ARHGAP25: variants seen among roughly 807,000 people sequenced by gnomAD.
ARHGAP25 encodes Rho GTPase activating protein 25, also known as rho GTPase-activating protein 25.
A neutral mutation model predicts 71.0 loss-of-function variants in ARHGAP25; 34 were observed. The ratio of observed to expected loss-of-function variants is 0.48; its 90% CI spans 0.36 to 0.64. The LOEUF (loss-of-function observed/expected upper bound fraction) is 0.64. Ranked by LOEUF, ARHGAP25 falls within the 30% of genes least tolerant of loss-of-function variation. The probability of loss-of-function intolerance (pLI) is 0.00; values close to 1 mark genes in which losing one functional copy is unlikely to be tolerated. For synonymous variants in ARHGAP25, 282 were observed against 296.5 expected (o/e 0.95, Z 0.50); for missense variants, 706 against 805.1 (o/e 0.88, Z 1.49).
chr2:68,726,680 A>G (rs1399189138), intron 2 of ARHGAP25, among the ~76,000 whole-genome samples: 1 of 152,206 alleles, frequency 6.6e-6, no homozygotes, highest in East Asian at 1.9e-4. Context: ...CTGTAGCCAG[A>G]CATCAGATCC....
At chr2:68,798,872 T>G (rs969997593) in intron 4 of ARHGAP25, among the ~76,000 whole-genome samples, 6 of 152,212 alleles carry the variant, frequency 3.9e-5, no homozygotes, top group African/African-American at 1.4e-4. Flanking sequence ...GGAGATAGCT[T>G]TGTTAAGGAT....
intron 2 of ARHGAP25, among the ~76,000 whole-genome samples, chr2:68,720,559 G>T (rs746420517): frequency 7.2e-5 from 11 of 151,938 alleles, no homozygotes; most frequent in Non-Finnish European, 1.5e-4. Context: ...CAGTAAGGTG[G>T]GCAAAAATCT....
Position 68,818,007 on chromosome 2 carries a change from C to T in ARHGAP25, c.1003+13C>T, listed in dbSNP as rs773877353. The T allele has an allele frequency of 1.9e-6, 3 of 1,613,792 alleles. No homozygotes were observed. Among genetic ancestry groups the T allele is most frequent in the Non-Finnish European group, 1.7e-6 (2 of 1,179,892 alleles). Reference sequence around the variant, plus strand: ...GTGATCATGAGAGGTATGGCTGGTCCCGTAGTGAAAGCAGGTACCCAGGAA... The same window carrying T: ...GTGATCATGAGAGGTATGGCTGGTCTCGTAGTGAAAGCAGGTACCCAGGAA... On this transcript the variant is annotated intron_variant, in intron 8 of 10. Transcript: ENST00000409202.
chr2:68,769,799 G>GGGGT (rs1677364939), intron 1 of ARHGAP25, among the ~76,000 whole-genome samples: 1 of 152,096 alleles, frequency 6.6e-6, no homozygotes, highest in Non-Finnish European at 1.5e-5. Flanking sequence ...GATGTAGGTG[G>GGGGT]GGGTGGGTAG....
At chr2:68,784,618 G>A (rs375861530) in intron 3 of ARHGAP25, among the ~76,000 whole-genome samples, 20 of 152,160 alleles carry the variant, frequency 1.3e-4, no homozygotes, top group East Asian at 5.8e-4. Context: ...CACCAGGAAG[G>A]GGTTGTTCCT....
chr2:68,820,141 C>A (rs1185682212), intron 9 of ARHGAP25, among the ~76,000 whole-genome samples: 1 of 152,150 alleles, frequency 6.6e-6, no homozygotes, highest in Non-Finnish European at 1.5e-5. Flanking sequence ...TCTACTAACA[C>A]TCTAAAACTA....
intron 4 of ARHGAP25, among the ~76,000 whole-genome samples, chr2:68,804,569 G>T (rs1006165713): frequency 6.6e-6 from 1 of 152,100 alleles, no homozygotes; most frequent in African/African-American, 2.4e-5. Context: ...CCCCTCAAAG[G>T]CAGACAGTCC....
chr2:68,807,379 C>T lies in ARHGAP25; in HGVS notation c.573C>T (p.His191=), dbSNP rs149680379. 1.0e-4 allele frequency: 163 copies of T among 1,614,190 alleles called. No individual in the cohort carries two copies. The East Asian group carries it at 1.5e-3, about 15-fold the overall frequency. The change falls in exon 5 of 11, where the codon CAC becomes CAT. Residue 191 remains histidine (H), a synonymous_variant. Transcript: ENST00000409202. ...VEKCAEFILE[H]GRNEEGIFRL... The stretch of plus-strand genomic sequence containing the variant: ...AATGTGCAGAGTTCATCCTGGAGCA[C>T]GGCCGGAATGAAGAGGGCATCTTCC...
intron 2 of ARHGAP25, among the ~76,000 whole-genome samples, chr2:68,779,433 A>G (rs1459739192): frequency 6.6e-6 from 1 of 152,212 alleles, no homozygotes; most frequent in East Asian, 1.9e-4. Flanking sequence ...TTAATAGAAA[A>G]TATTTCATTG....
intron 4 of ARHGAP25, among the ~76,000 whole-genome samples, chr2:68,804,329 G>A (rs1680208235): frequency 1.3e-5 from 2 of 152,174 alleles, no homozygotes; most frequent in South Asian, 4.1e-4. Context: ...TGGAGCCTGA[G>A]TTTCAACTGT....
chr2:68,711,114 T>C (rs1412260195), intron 2 of ARHGAP25, among the ~76,000 whole-genome samples: 1 of 152,180 alleles, frequency 6.6e-6, no homozygotes, highest in Non-Finnish European at 1.5e-5. Context: ...ACTTGCCTTC[T>C]TTTCTGTGCT....
At chr2:68,774,722 C>T in intron 1 of ARHGAP25, 6 of 1,005,528 alleles carry the variant, frequency 6.0e-6, no homozygotes, top group Non-Finnish European at 7.1e-6. Context: ...TTCTGTCTTG[C>T]GGCCCCTCCT....
At chr2:68,778,955 A>G (rs72830918) in intron 2 of ARHGAP25, among the ~76,000 whole-genome samples, 3,192 of 152,328 alleles carry the variant, frequency 0.021, 49 homozygotes, top group Non-Finnish European at 0.033. Context: ...GTGTAAGTCC[A>G]TGAACTAGCT....
intron 4 of ARHGAP25, 91 bp from the exon 5 acceptor site, chr2:68,807,182 C>G: frequency 7.8e-7 from 1 of 1,279,442 alleles, no homozygotes; most frequent in East Asian, 2.4e-5. Flanking sequence ...GCAATAAAAC[C>G]TGTGAAGACA....
chr2:68,794,751 T>G (rs912208448), intron 4 of ARHGAP25, among the ~76,000 whole-genome samples: 10 of 152,128 alleles, frequency 6.6e-5, no homozygotes, highest in Non-Finnish European at 1.5e-4. Context: ...TGTTATGTCC[T>G]TGTCTGGTTT....
Position 68,803,012 on chromosome 2 carries a change from T to G in ARHGAP25, c.467-4261T>G, listed in dbSNP as rs539583054. On this transcript the variant is annotated intron_variant, in intron 4 of 10. Transcript: ENST00000409202. The stretch of plus-strand genomic sequence containing the variant: ...ACACATATACATACATACATATATA[T>G]ATATATAGAGAGAGAGATCTGGACC... 2.0e-5 allele frequency among the ~76,000 whole-genome samples: 3 copies of G among 151,284 alleles called. No homozygotes were observed. The South Asian group carries it at 6.3e-4, about 32-fold the overall frequency.
chr2:68,811,581 G>A (rs1355639127), intron 5 of ARHGAP25, among the ~76,000 whole-genome samples: 3 of 152,180 alleles, frequency 2.0e-5, no homozygotes, highest in East Asian at 1.9e-4. Flanking sequence ...CAGCCATGGA[G>A]CATAGAGTGG....
At chr2:68,765,934 T>C (rs769242631) in intron 1 of ARHGAP25, among the ~76,000 whole-genome samples, 2 of 152,240 alleles carry the variant, frequency 1.3e-5, no homozygotes, top group Non-Finnish European at 2.9e-5. Flanking sequence ...TAATGGCTTG[T>C]AGCCTCCTCA....
At chr2:68,714,879 A>T (rs1191410295) in intron 2 of ARHGAP25, among the ~76,000 whole-genome samples, 1 of 152,192 alleles carries the variant, frequency 6.6e-6, no homozygotes, top group African/African-American at 2.4e-5. Flanking sequence ...TAAAATACGG[A>T]AGGAAAGAAA....
Sources: gnomAD v4.1 joint callset for allele counts (sites outside exome capture counted in the v4.1 genomes callset) on GRCh38, gnomAD v4.1.1 for gene constraint, MANE v1.5 for transcripts, NCBI Gene and HGNC (gene_info 2026-07-23, HGNC 2026-07-21) for gene names.